The following GRK5 variants were observed in gnomAD, a reference collection of about 807,000 sequenced individuals.
GRK5 encodes g protein-coupled receptor kinase GRK5.
Under a neutral mutation model 78.4 loss-of-function variants are expected in GRK5, and 40 were observed. The observed-to-expected ratio is 0.51, with a 90% CI of 0.40 to 0.66. The LOEUF is 0.66. GRK5 is among the 30% of genes least tolerant of loss of function. The pLI is 0.00. For synonymous variants in GRK5, 289 were observed against 296.8 expected, an observed-to-expected ratio of 0.97 and a Z score of 0.27; for missense variants, 598 against 759.9, an observed-to-expected ratio of 0.79 and a Z score of 2.50.
chr10:119,209,412 G>T (rs796458396), intron 1 of GRK5, among the ~76,000 whole-genome samples: 50 of 151,970 alleles, frequency 3.3e-4, no homozygotes, highest in African/African-American at 1.2e-3. Context: ...TAGCTTTGGT[G>T]GGAATAAATT....
intron 1 of GRK5, among the ~76,000 whole-genome samples, chr10:119,299,975 G>A (rs1005542826): frequency 6.6e-6 from 1 of 151,852 alleles, no homozygotes; most frequent in Admixed American, 6.6e-5. Context: ...CCCACCCCAC[G>A]ACAGGCCCCG....
intron 15 of GRK5, among the ~76,000 whole-genome samples, chr10:119,454,731 A>G (rs566485482): frequency 6.6e-6 from 1 of 152,214 alleles, no homozygotes; most frequent in East Asian, 1.9e-4. Context: ...AGGCTTAACC[A>G]AGGTGGATAT....
At chr10:119,454,908 C>G (rs982227880) in intron 15 of GRK5, 61 bp from the exon 16 acceptor site, 1 of 1,125,722 alleles carries the variant, frequency 8.9e-7, no homozygotes, top group African/African-American at 1.5e-5. Flanking sequence ...CGACCCATCC[C>G]CAGGGCTCCC....
intron 1 of GRK5, among the ~76,000 whole-genome samples, chr10:119,325,499 GC>G (rs1850660230): frequency 2.0e-5 from 3 of 152,272 alleles, no homozygotes; most frequent in Non-Finnish European, 4.4e-5. Context: ...AAGCAGACGA[GC>G]TACATAAAAT....
At position 119,452,804 on chromosome 10, in the gene GRK5, A is replaced by G. The variant is rs1853316530; in HGVS notation, c.1538A>G (p.Asn513Ser). 2 of 1,379,686 alleles carry G rather than the reference A, an allele frequency of 1.4e-6. No homozygotes were observed. The highest frequency in any genetic ancestry group is 1.9e-6 in the Non-Finnish European group (2 of 1,029,600). The allele number at this position is 1,379,686 out of a possible 1,614,324, so 85.5% of individuals were successfully genotyped here. ...STGSVSIPWQ[N>S]EMIETECFKE... ...GGCTCTGTGTCCATCCCATGGCAAA[A>G]CGAGGTGAGCAGGGCAGACCACTTG... The change falls in exon 14 of 16, where the codon AAC becomes AGC. Residue 513 changes from asparagine (N) to serine (S), a missense_variant. Asn to Ser is a conservative substitution (Grantham distance 46). Transcript: ENST00000392870. The surrounding 1 kb of genome is among the most constrained non-coding windows in gnomAD (Gnocchi z 4.4).
chr10:119,380,348 C>T (rs1364124644), intron 2 of GRK5, among the ~76,000 whole-genome samples: 2 of 152,222 alleles, frequency 1.3e-5, no homozygotes, highest in African/African-American at 4.8e-5. Flanking sequence ...GTCAAGAACA[C>T]TGCTGCAGCA....
intron 4 of GRK5, among the ~76,000 whole-genome samples, chr10:119,416,221 C>T (rs1428835349): frequency 1.3e-5 from 2 of 152,228 alleles, no homozygotes; most frequent in Admixed American, 1.3e-4. Flanking sequence ...TCTGGAGTTT[C>T]GCACTGATGC....
intron 1 of GRK5, among the ~76,000 whole-genome samples, chr10:119,291,275 A>G (rs887226307): frequency 1.3e-5 from 2 of 152,116 alleles, no homozygotes; most frequent in African/African-American, 2.4e-5. Context: ...GGTATCACCA[A>G]TTCGGCAGGA....
At chr10:119,448,392 C>A in intron 13 of GRK5, 132 bp downstream of exon 13, 1 of 982,436 alleles carries the variant, frequency 1.0e-6, no homozygotes, top group East Asian at 2.9e-5. Context: ...GGGTCCCCTC[C>A]CGGCCACTCC....
intron 1 of GRK5, among the ~76,000 whole-genome samples, chr10:119,272,138 A>G (rs1483479332): frequency 6.6e-6 from 1 of 151,900 alleles, no homozygotes; most frequent in Admixed American, 6.6e-5. Flanking sequence ...CTTGTATGGG[A>G]CCCTGTGCCG....
intron 2 of GRK5, among the ~76,000 whole-genome samples, chr10:119,361,900 G>A (rs4752296): frequency 0.029 from 4,335 of 151,158 alleles, 156 homozygotes; most frequent in East Asian, 0.13. Flanking sequence ...GGTGGAGGTT[G>A]CAGTGAGCCG....
chr10:119,347,071 C>T (rs1851107562), intron 2 of GRK5, among the ~76,000 whole-genome samples: 1 of 152,158 alleles, frequency 6.6e-6, no homozygotes. Flanking sequence ...TGAGGTGTGG[C>T]CGGCACCTGG....
intron 1 of GRK5, among the ~76,000 whole-genome samples, chr10:119,289,422 C>G (rs1849913070): frequency 6.6e-6 from 1 of 152,212 alleles, no homozygotes; most frequent in African/African-American, 2.4e-5. Context: ...CTTTTGGGAA[C>G]CGGTGTTCTG....
rs1357392182 is a variant in GRK5 at position 119,412,103 on chromosome 10, G to A, written c.340-11063G>A. 2.0e-5 allele frequency among the ~76,000 whole-genome samples: 3 copies of A among 151,880 alleles called. No homozygotes were observed. Among genetic ancestry groups the A allele is most frequent in the African/African-American group, 7.3e-5 (3 of 41,372 alleles). On this transcript the variant is annotated intron_variant, in intron 4 of 15. Transcript: ENST00000392870. The surrounding 1 kb of genome is among the most constrained non-coding windows in gnomAD (Gnocchi z 4.3). ...TGACCTCAGGTGATCCACCTCCCTC[G>A]GCCTCCCAAAGTGCTGGGATTCCAG...
At chr10:119,395,779 C>T (rs1487501928) in intron 3 of GRK5, among the ~76,000 whole-genome samples, 1 of 152,112 alleles carries the variant, frequency 6.6e-6, no homozygotes, top group Non-Finnish European at 1.5e-5. Flanking sequence ...TATCAGAGTC[C>T]TAAATTCTGT....
chr10:119,258,418 GT>G (rs1451577815), intron 1 of GRK5, among the ~76,000 whole-genome samples: 1 of 152,162 alleles, frequency 6.6e-6, no homozygotes, highest in African/African-American at 2.4e-5. Flanking sequence ...CTGAACACAA[GT>G]TTTCTTTTCA....
chr10:119,333,980 G>T, intron 2 of GRK5: 4 of 397,560 alleles, frequency 1.0e-5, no homozygotes, highest in South Asian at 7.5e-5. Flanking sequence ...CTCCCTGAGG[G>T]CCTGGACCAC....
rs535861240 is a variant in GRK5, at chr10:119,443,540, C to T, written c.1058-4C>T. On this transcript the variant is annotated splice_polypyrimidine_tract_variant and splice_region_variant and intron_variant, in intron 11 of 15. Coordinates refer to ENST00000392870, the MANE Select transcript of GRK5 (RefSeq NM_005308.3). The stretch of plus-strand genomic sequence containing the variant: ...CACTCCTCTCTCCTCTCCTCTGCCC[C>T]CAGCTCCAGAGGTCCTGAACAACCA... 1.9e-6 allele frequency: 3 copies of T among 1,599,944 alleles called. No individual in the cohort carries two copies.
At chr10:119,211,005 G>A (rs1266682317) in intron 1 of GRK5, among the ~76,000 whole-genome samples, 1 of 152,182 alleles carries the variant, frequency 6.6e-6, no homozygotes, top group Non-Finnish European at 1.5e-5. Context: ...CCTGTAAGTG[G>A]ATTAGAGTAA....
Sources: allele counts gnomAD v4.1 joint callset (sites outside exome capture counted in the v4.1 genomes callset), GRCh38; gene constraint gnomAD v4.1.1; non-coding constraint Gnocchi (gnomAD v3.1); transcripts MANE v1.5; gene names NCBI Gene and HGNC (gene_info 2026-07-23, HGNC 2026-07-21).